The following CCDC6 variants were observed in gnomAD, a reference collection of about 807,000 sequenced individuals.
CCDC6 encodes coiled-coil domain-containing protein 6.
CCDC6 carries 20 observed loss-of-function variants against 56.6 expected under a neutral mutation model. That is an observed-to-expected ratio of 0.35 (90% CI 0.25 to 0.51). The LOEUF (loss-of-function observed/expected upper bound fraction) is 0.51. CCDC6 is among the 20% of genes least tolerant of loss of function. CCDC6 has a pLI of 0.95. For missense variants in CCDC6, 367 were observed against 601.1 expected (o/e 0.61, Z 4.07); for synonymous variants, 241 against 234.4 (o/e 1.03, Z -0.26).
chr10:59,792,713 G>A lies in CCDC6; in HGVS notation c.*204C>T, dbSNP rs1373573986. ...ATGAAGATTCAAGTAAAACACTGAT[G>A]GAAAAAGTCGTCTGGTTAGTGTTGT... On this transcript the variant is annotated 3_prime_UTR_variant, in exon 9 of 9. Coordinates refer to ENST00000263102, the MANE Select transcript of CCDC6 (RefSeq NM_005436.5). 1 of 765,974 alleles carries A rather than the reference G, an allele frequency of 1.3e-6. No homozygotes were observed. The highest frequency in any genetic ancestry group is 1.7e-5 in the Admixed American group (1 of 58,878). 47.4% of individuals were successfully genotyped at this position (765,974 alleles called of 1,614,324 possible). A position where few individuals can be genotyped will look rare whatever the true frequency, so the allele number is the denominator to read the frequency against.
At chr10:59,903,426 A>T (rs1203477302) in intron 1 of CCDC6, among the ~76,000 whole-genome samples, 2 of 152,172 alleles carry the variant, frequency 1.3e-5, no homozygotes, top group Non-Finnish European at 2.9e-5. Context: ...CTTTATGTTC[A>T]GTGTTACGTG....
intron 1 of CCDC6, among the ~76,000 whole-genome samples, chr10:59,876,073 C>CTTTTTTTTTTTT (rs1172379933): frequency 0.026 from 2,507 of 97,414 alleles, 753 homozygotes; most frequent in African/African-American, 0.059. Context: ...GCACAGATGT[C>CTTTTTTTTTTTT]TTTTTTTTTT....
At chr10:59,883,296 C>T (rs1412225149) in intron 1 of CCDC6, among the ~76,000 whole-genome samples, 4 of 152,102 alleles carry the variant, frequency 2.6e-5, no homozygotes, top group African/African-American at 9.7e-5. Flanking sequence ...AGCTATGGGA[C>T]AGGGAACAAG....
intron 1 of CCDC6, among the ~76,000 whole-genome samples, chr10:59,902,348 G>C (rs1031323883): frequency 6.0e-5 from 9 of 149,530 alleles, no homozygotes; most frequent in Non-Finnish European, 7.4e-5. Context: ...TCAAAATCTA[G>C]AACACTGACT....
chr10:59,801,920 G>A (rs572856701), intron 7 of CCDC6, among the ~76,000 whole-genome samples: 9 of 152,166 alleles, frequency 5.9e-5, no homozygotes, highest in African/African-American at 1.4e-4. Context: ...AGCTCATCTC[G>A]TACATTCAGT....
intron 4 of CCDC6, among the ~76,000 whole-genome samples, chr10:59,813,545 G>A (rs1409945349): frequency 6.6e-6 from 1 of 152,160 alleles, no homozygotes; most frequent in African/African-American, 2.4e-5. Context: ...TCCTTTGGCA[G>A]CAGATCTCTA....
intron 7 of CCDC6, 71 bp from the exon 8 acceptor site, chr10:59,794,668 T>A: frequency 7.2e-7 from 1 of 1,397,176 alleles, no homozygotes. Flanking sequence ...TCTAGGAGGT[T>A]TTAAATCGCA....
chr10:59,841,729 G>T (rs375815099), intron 2 of CCDC6, among the ~76,000 whole-genome samples: 1 of 150,938 alleles, frequency 6.6e-6, no homozygotes, highest in East Asian at 2.0e-4. Flanking sequence ...GTGCGTTGGC[G>T]TGATCTCGGC....
intron 3 of CCDC6, among the ~76,000 whole-genome samples, 175 bp downstream of exon 3, chr10:59,832,350 G>A (rs756927039): frequency 6.6e-5 from 10 of 152,204 alleles, no homozygotes; most frequent in Non-Finnish European, 1.3e-4. Context: ...ATGTGTGAGA[G>A]AATGATAGGA....
chr10:59,842,997 C>A (rs2070954845), intron 2 of CCDC6, among the ~76,000 whole-genome samples: 1 of 152,090 alleles, frequency 6.6e-6, no homozygotes, highest in Non-Finnish European at 1.5e-5. Context: ...TCGTGATCCA[C>A]CTGCCTCGGC....
intron 4 of CCDC6, 109 bp downstream of exon 4, chr10:59,814,543 C>A (rs1281479104): frequency 3.0e-6 from 2 of 664,014 alleles, no homozygotes; most frequent in Non-Finnish European, 5.4e-6. Flanking sequence ...AAATGATGTG[C>A]ATCACCAAAG....
chr10:59,880,818 C>T (rs920184139), intron 1 of CCDC6, among the ~76,000 whole-genome samples: 2 of 152,116 alleles, frequency 1.3e-5, no homozygotes, highest in African/African-American at 4.8e-5. Flanking sequence ...CTCACAGGCT[C>T]CTTTTGAGAG....
intron 3 of CCDC6, among the ~76,000 whole-genome samples, chr10:59,817,689 G>C (rs1371359427): frequency 6.6e-6 from 1 of 152,140 alleles, no homozygotes; most frequent in East Asian, 1.9e-4. Context: ...CAATAACTCT[G>C]AGAAGCAAAA....
chr10:59,797,603 A>G, intron 7 of CCDC6, among the ~76,000 whole-genome samples: 1 of 146,836 alleles, frequency 6.8e-6, no homozygotes, highest in East Asian at 2.0e-4. Context: ...AAAAAAAAAA[A>G]AAAAAAAAAA....
chr10:59,904,995 A>T (rs2071531927), intron 1 of CCDC6, among the ~76,000 whole-genome samples: 1 of 152,056 alleles, frequency 6.6e-6, no homozygotes, highest in East Asian at 1.9e-4. Context: ...CTTCATTTCA[A>T]AGTTCAGCCT....
chr10:59,872,566 T>A (rs755666786), intron 1 of CCDC6, among the ~76,000 whole-genome samples: 12 of 152,202 alleles, frequency 7.9e-5, no homozygotes, highest in Non-Finnish European at 1.6e-4. Flanking sequence ...GCTTTAACTA[T>A]AAGGCTGGCT....
intron 1 of CCDC6, among the ~76,000 whole-genome samples, chr10:59,892,056 A>G (rs1002980185): frequency 2.0e-5 from 3 of 152,160 alleles, no homozygotes; most frequent in Admixed American, 6.5e-5. Context: ...AATCCTGCAA[A>G]GTCAGTCCAT....
intron 1 of CCDC6, among the ~76,000 whole-genome samples, chr10:59,902,095 G>A (rs2071507329): frequency 6.6e-6 from 1 of 152,188 alleles, no homozygotes; most frequent in African/African-American, 2.4e-5. Context: ...GGTGCACTGG[G>A]CGCTTGTGGA....
At chr10:59,806,836 C>T in intron 6 of CCDC6, 86 bp downstream of exon 6, 1 of 1,297,980 alleles carries the variant, frequency 7.7e-7, no homozygotes, top group Non-Finnish European at 1.1e-6. Context: ...TCCCCTTATA[C>T]ACCTAACAGG....
Sources: gnomAD v4.1 joint callset for allele counts (sites outside exome capture counted in the v4.1 genomes callset) on GRCh38, gnomAD v4.1.1 for gene constraint, MANE v1.5 for transcripts, NCBI Gene and HGNC (gene_info 2026-07-23, HGNC 2026-07-21) for gene names.